The following MARK3 variants were observed in gnomAD, a reference collection of about 807,000 sequenced individuals.
The protein encoded by MARK3 is microtubule affinity regulating kinase 3.
A neutral mutation model predicts 90.1 loss-of-function variants in MARK3; 46 were observed. The ratio of observed to expected loss-of-function variants is 0.51; its 90% CI spans 0.40 to 0.65. The LOEUF is 0.65. MARK3 is among the 30% of genes least tolerant of loss of function. The probability of loss-of-function intolerance (pLI) is 0.00; values close to 1 mark genes in which losing one functional copy is unlikely to be tolerated. For missense variants in MARK3, 818 were observed against 947.2 expected, an observed-to-expected ratio of 0.86 and a Z score of 1.79; for synonymous variants, 321 against 332.6, an observed-to-expected ratio of 0.97 and a Z score of 0.38.
intron 2 of MARK3, among the ~76,000 whole-genome samples, chr14:103,423,763 A>G (rs1300972214): frequency 1.3e-5 from 2 of 152,230 alleles, no homozygotes; most frequent in African/African-American, 2.4e-5. Context: ...CACATGTCAC[A>G]TCAAATGATG....
intron 17 of MARK3, among the ~76,000 whole-genome samples, chr14:103,502,322 A>G (rs2142183840): frequency 6.6e-6 from 1 of 152,376 alleles, no homozygotes; most frequent in Middle Eastern, 3.4e-3. Context: ...CGTTTAATTA[A>G]CAAACCAGAG....
intron 14 of MARK3, among the ~76,000 whole-genome samples, chr14:103,482,914 G>A (rs1424589517): frequency 6.6e-6 from 1 of 152,104 alleles, no homozygotes; most frequent in South Asian, 2.1e-4. Context: ...CTTTGCTTCT[G>A]AAGGTGTCGT....
intron 1 of MARK3, chr14:103,386,438 G>A: frequency 1.7e-6 from 1 of 574,210 alleles, no homozygotes; most frequent in Non-Finnish European, 3.3e-6. Context: ...GCCGAACTCT[G>A]CTTTTAACTT....
Position 103,434,054 on chromosome 14 carries a change from G to A in MARK3, c.297+5614G>A, listed in dbSNP as rs563662615. On this transcript the variant is annotated intron_variant, in intron 3 of 17. Coordinates refer to ENST00000429436, the MANE Select transcript of MARK3 (RefSeq NM_001128918.3). ...CGTGTGTTTCTTTTGAGTTTTTGTT[G>A]TTCTAGCCAGAGAGAACCATTTGAC... 9.0e-4 allele frequency among the ~76,000 whole-genome samples: 137 copies of A among 152,196 alleles called. 1 individual carries two copies. Among genetic ancestry groups the A allele is most frequent in the South Asian group, 8.9e-3 (43 of 4,828 alleles).
chr14:103,448,085 G>T lies in MARK3; in HGVS notation c.298-834G>T, dbSNP rs143575925. 5.7e-3 allele frequency among the ~76,000 whole-genome samples: 870 copies of T among 152,258 alleles called. 3 individuals carry two copies. Among genetic ancestry groups the T allele is most frequent in the Middle Eastern group, 0.014 (4 of 294 alleles). The stretch of plus-strand genomic sequence containing the variant: ...ACCGTGCTCGGCTGGTTTTTCTTAA[G>T]GTCTCACCTGGGTTCACTTGTGTGG... On this transcript the variant is annotated intron_variant, in intron 3 of 17. Transcript: ENST00000429436.
intron 1 of MARK3, among the ~76,000 whole-genome samples, chr14:103,390,847 T>C (rs919174682): frequency 5.3e-5 from 8 of 152,172 alleles, no homozygotes; most frequent in Non-Finnish European, 1.0e-4. Context: ...TAGCTGGGAC[T>C]ACAGGCGTGC....
intron 14 of MARK3, chr14:103,491,218 TTCCTCCA>T: frequency 1.3e-6 from 1 of 767,456 alleles, no homozygotes; most frequent in Non-Finnish European, 1.8e-6. Context: ...CAAGGCGTCC[TTCCTCCA>T]TGTGATTTTA....
intron 1 of MARK3, among the ~76,000 whole-genome samples, chr14:103,387,745 G>C (rs1350738215): frequency 6.6e-6 from 1 of 151,952 alleles, no homozygotes; most frequent in Non-Finnish European, 1.5e-5. Flanking sequence ...CACCCGCCTC[G>C]GCTCCCCAAA....
At chr14:103,426,188 A>G (rs772180021) in intron 2 of MARK3, among the ~76,000 whole-genome samples, 2 of 152,144 alleles carry the variant, frequency 1.3e-5, no homozygotes, top group Non-Finnish European at 2.9e-5. Flanking sequence ...TTGAATGTAG[A>G]AGCTTGTATG....
intron 1 of MARK3, among the ~76,000 whole-genome samples, chr14:103,397,393 C>A (rs2090649034): frequency 6.8e-6 from 1 of 146,340 alleles, no homozygotes; most frequent in African/African-American, 2.5e-5. Flanking sequence ...GTGGTGCGAT[C>A]TCGGCTCACC....
Position 103,468,036 on chromosome 14 carries a change from G to T in MARK3, c.1114G>T (p.Asp372Tyr), listed in dbSNP as rs1288002702. 1.2e-6 allele frequency: 2 copies of T among 1,612,344 alleles called. No individual in the cohort carries two copies. The highest frequency in any genetic ancestry group is 1.7e-6 in the Non-Finnish European group (2 of 1,179,482). Residue 372 changes from aspartate to tyrosine, a missense_variant, in exon 12 of 18, where the codon GAT (aspartate) becomes TAT (tyrosine). Physicochemically the swap from Asp to Tyr is radical, Grantham distance 160. Around this residue, in one of 3 missense-constraint regions of MARK3, gnomAD observed 560 missense variants for 613.5 expected, o/e 0.91. Transcript: ENST00000429436. The part of the protein sequence containing the change: ...LLLGRKSSEL[D>Y]ASDSSSSSNL... ...TGTTTTTCTCATTTTCTCTTAGCTGGATGCTAGTGATTCCAGTTCTAGCAG... is the reference window on the plus strand; with the variant it reads ...TGTTTTTCTCATTTTCTCTTAGCTGTATGCTAGTGATTCCAGTTCTAGCAG...
chr14:103,453,292 T>C (rs2093198560), intron 5 of MARK3, among the ~76,000 whole-genome samples: 1 of 152,212 alleles, frequency 6.6e-6, no homozygotes, highest in South Asian at 2.1e-4. Context: ...GTCCCCTGCC[T>C]CTAGCACACT....
intron 14 of MARK3, among the ~76,000 whole-genome samples, chr14:103,485,673 G>A (rs925393063): frequency 6.6e-6 from 1 of 152,086 alleles, no homozygotes; most frequent in African/African-American, 2.4e-5. Flanking sequence ...AGGGGCTAGA[G>A]GTCATAGCAA....
intron 2 of MARK3, among the ~76,000 whole-genome samples, chr14:103,406,000 C>G (rs2091270025): frequency 6.6e-6 from 1 of 152,180 alleles, no homozygotes; most frequent in Admixed American, 6.5e-5. Context: ...AGGCAGTTCT[C>G]CCACCTCAGC....
chr14:103,391,800 C>T (rs1443843996), intron 1 of MARK3, among the ~76,000 whole-genome samples: 4 of 150,072 alleles, frequency 2.7e-5, no homozygotes, highest in African/African-American at 7.5e-5. Flanking sequence ...TCAGGTGATC[C>T]GCCCGCCTTG....
intron 5 of MARK3, among the ~76,000 whole-genome samples, chr14:103,454,327 A>G (rs1024294055): frequency 6.6e-6 from 1 of 151,246 alleles, no homozygotes; most frequent in African/African-American, 2.4e-5. Flanking sequence ...ATCTCAGCTC[A>G]CTGCAACCTC....
chr14:103,450,522 C>T (rs535829354), intron 4 of MARK3, among the ~76,000 whole-genome samples: 2 of 152,068 alleles, frequency 1.3e-5, no homozygotes, highest in Admixed American at 1.3e-4. Context: ...CATAGTTTTC[C>T]CAGAAGACCC....
At chr14:103,489,380 G>C (rs1444687565) in intron 14 of MARK3, 1 of 152,312 alleles carries the variant, frequency 6.6e-6, no homozygotes, top group African/African-American at 2.4e-5. Context: ...ATGTGTACTT[G>C]CACTCCAAGT....
intron 2 of MARK3, among the ~76,000 whole-genome samples, chr14:103,405,627 C>A (rs551020521): frequency 1.3e-5 from 2 of 152,222 alleles, no homozygotes; most frequent in Non-Finnish European, 2.9e-5. Flanking sequence ...AGGCGTGAGC[C>A]ATAGCGCCTG....
Sources: allele counts gnomAD v4.1 joint callset (sites outside exome capture counted in the v4.1 genomes callset), GRCh38; gene constraint gnomAD v4.1.1; regional missense constraint gnomAD v4.1.1; transcripts MANE v1.5; gene names NCBI Gene and HGNC (gene_info 2026-07-23, HGNC 2026-07-21).